The following IGSF10 variants were observed in gnomAD, a reference collection of about 807,000 sequenced individuals.
IGSF10 encodes calvaria mechanical force protein 608.
Under a neutral mutation model 128.2 loss-of-function variants are expected in IGSF10, and 126 were observed. The ratio of observed to expected loss-of-function variants is 0.98; its 90% CI spans 0.85 to 1.14. IGSF10 has a LOEUF of 1.14. Ranked by LOEUF, IGSF10 falls within the 50% of genes most tolerant of loss-of-function variation. The pLI is 0.00. For synonymous variants in IGSF10, 1,185 were observed against 1,146.2 expected, an observed-to-expected ratio of 1.03 and a Z score of -0.68; for missense variants, 3,295 against 3,149.8, an observed-to-expected ratio of 1.05 and a Z score of -1.10.
the IGSF10 span, among the ~76,000 whole-genome samples, chr3:151,468,268 G>T: frequency 9.8e-5 from 15 of 152,312 alleles, no homozygotes; most frequent in African/African-American, 3.4e-4. Context: ...AGCTCAAAAA[G>T]CTAACAAGCT....
the IGSF10 span, among the ~76,000 whole-genome samples, chr3:151,597,059 C>T: frequency 2.0e-5 from 3 of 151,750 alleles, no homozygotes; most frequent in Non-Finnish European, 2.9e-5. Flanking sequence ...TTCCACAGTT[C>T]CTTTATGATG....
the IGSF10 span, among the ~76,000 whole-genome samples, chr3:151,481,440 G>T: frequency 6.6e-6 from 1 of 152,174 alleles, no homozygotes; most frequent in Admixed American, 6.5e-5. Flanking sequence ...AAATTGAAGC[G>T]GTCCTAAATT....
At chr3:151,441,902 A>G (rs1182990765) in intron 7 of IGSF10, among the ~76,000 whole-genome samples, 2 of 152,164 alleles carry the variant, frequency 1.3e-5, no homozygotes, top group Non-Finnish European at 2.9e-5. Context: ...TCTACTAAAA[A>G]TACAAAAAAT....
the IGSF10 span, among the ~76,000 whole-genome samples, chr3:151,477,159 C>G: frequency 2.6e-5 from 4 of 152,092 alleles, no homozygotes; most frequent in Non-Finnish European, 5.9e-5. Flanking sequence ...TTAAAGCCAA[C>G]AATTACACTG....
At chr3:151,615,093 A>C in the IGSF10 span, among the ~76,000 whole-genome samples, 3 of 151,284 alleles carry the variant, frequency 2.0e-5, no homozygotes, top group Non-Finnish European at 4.4e-5. Flanking sequence ...TTTTGTTTAC[A>C]TATTTACATT....
At position 151,443,564 on chromosome 3, in the gene IGSF10, T is replaced by G. The variant is rs1431583673; in HGVS notation, c.5383A>C (p.Arg1795=). The part of the protein sequence containing the change: ...TVVSESSQGS[R]QAVVTVDGTL... ...CCGTCAACCGTCACCACAGCCTGCC[T>G]ACTTCCCTGGGATGATTCTGAGACA... The change falls in exon 7 of 8, where the codon AGG becomes CGG. Residue 1795 remains arginine, a synonymous_variant. Transcript: ENST00000282466. The G allele has an allele frequency of 5.0e-6, 8 of 1,614,146 alleles. No individual in the cohort carries two copies. The highest frequency in any genetic ancestry group is 6.8e-6 in the Non-Finnish European group (8 of 1,180,050).
the IGSF10 span, among the ~76,000 whole-genome samples, chr3:151,492,497 G>T: frequency 6.6e-6 from 1 of 152,162 alleles, no homozygotes; most frequent in Non-Finnish European, 1.5e-5. Context: ...CACTTTGGGG[G>T]ACTGTGGTGG....
chr3:151,520,233 G>A, the IGSF10 span, among the ~76,000 whole-genome samples: 1 of 151,790 alleles, frequency 6.6e-6, no homozygotes, highest in South Asian at 2.1e-4. Context: ...TCATAATGGT[G>A]ACTTTATTAA....
chr3:151,554,934 G>T, the IGSF10 span, among the ~76,000 whole-genome samples: 1 of 152,164 alleles, frequency 6.6e-6, no homozygotes, highest in African/African-American at 2.4e-5. Context: ...AAGTTTTGGG[G>T]TGATTTGTTA....
the IGSF10 span, among the ~76,000 whole-genome samples, chr3:151,610,290 C>A: frequency 6.6e-6 from 1 of 152,186 alleles, no homozygotes; most frequent in African/African-American, 2.4e-5. Context: ...ATTGATAGAA[C>A]ATTTCCTATT....
At chr3:151,598,406 T>C in the IGSF10 span, among the ~76,000 whole-genome samples, 1 of 152,178 alleles carries the variant, frequency 6.6e-6, no homozygotes, top group African/African-American at 2.4e-5. Flanking sequence ...TGAAATATGG[T>C]AGTACTGAAA....
upstream of IGSF10, among the ~76,000 whole-genome samples, chr3:151,464,423 G>C (rs1722209885): frequency 6.6e-6 from 1 of 151,988 alleles, no homozygotes; most frequent in Non-Finnish European, 1.5e-5. Flanking sequence ...ATTATTTGCT[G>C]TCTTTTCTAG....
chr3:151,584,246 T>C, the IGSF10 span, among the ~76,000 whole-genome samples: 1 of 152,198 alleles, frequency 6.6e-6, no homozygotes, highest in African/African-American at 2.4e-5. Context: ...GTAGATCTTA[T>C]CTGACATCAG....
At chr3:151,508,554 T>TA in the IGSF10 span, among the ~76,000 whole-genome samples, 1 of 152,160 alleles carries the variant, frequency 6.6e-6, no homozygotes, top group African/African-American at 2.4e-5. Flanking sequence ...TTTTTGTTTT[T>TA]AAAAATCTTC....
At chr3:151,574,701 T>C in the IGSF10 span, among the ~76,000 whole-genome samples, 7 of 152,160 alleles carry the variant, frequency 4.6e-5, no homozygotes, top group African/African-American at 1.7e-4. Flanking sequence ...TATTACTGAC[T>C]TTCTGAAGCC....
the IGSF10 span, among the ~76,000 whole-genome samples, chr3:151,614,953 AC>A: frequency 4.6e-5 from 7 of 152,130 alleles, no homozygotes; most frequent in African/African-American, 1.7e-4. Context: ...GAAAATTGAA[AC>A]TTTTACTAAA....
At chr3:151,478,170 A>G in the IGSF10 span, among the ~76,000 whole-genome samples, 3 of 152,114 alleles carry the variant, frequency 2.0e-5, no homozygotes, top group Admixed American at 2.0e-4. Flanking sequence ...GCAAAACAAA[A>G]CAAACAAACC....
chr3:151,584,569 T>TTTCA, the IGSF10 span, among the ~76,000 whole-genome samples: 9 of 152,230 alleles, frequency 5.9e-5, no homozygotes, highest in East Asian at 1.7e-3. Flanking sequence ...TACAGTGATG[T>TTTCA]GGATGCACAT....
At chr3:151,518,929 C>T in the IGSF10 span, among the ~76,000 whole-genome samples, 2 of 151,866 alleles carry the variant, frequency 1.3e-5, no homozygotes. Flanking sequence ...TTCTTTCCTT[C>T]CTCTTACCAA....
Sources: allele counts gnomAD v4.1 joint callset (sites outside exome capture counted in the v4.1 genomes callset), GRCh38; gene constraint gnomAD v4.1.1; transcripts MANE v1.5; gene names NCBI Gene and HGNC (gene_info 2026-07-23, HGNC 2026-07-21).